NUFIP2: variants seen among roughly 807,000 people sequenced by gnomAD.
NUFIP2 encodes the protein nuclear FMR1 interacting protein 2.
A neutral mutation model predicts 56.9 loss-of-function variants in NUFIP2; 6 were observed. The ratio of observed to expected loss-of-function variants is 0.11; its 90% confidence interval spans 0.06 to 0.21. The LOEUF (loss-of-function observed/expected upper bound fraction) is 0.21, where lower values mean the gene tolerates loss of function less well. NUFIP2 is among the 10% of genes least tolerant of loss of function. The probability of loss-of-function intolerance (pLI) is 1.00; values close to 1 mark genes in which losing one functional copy is unlikely to be tolerated. For synonymous variants in NUFIP2, 321 were observed against 298.2 expected (o/e 1.08, Z -0.79); for missense variants, 828 against 826.8 (o/e 1.00, Z -0.02).
At chr17:29,273,361 C>G (rs1186903661) in intron 2 of NUFIP2, among the ~76,000 whole-genome samples, 1 of 151,764 alleles carries the variant, frequency 6.6e-6, no homozygotes, top group Admixed American at 6.6e-5. Flanking sequence ...TTAGTAGAGA[C>G]AGGTTCCGCC....
Position 29,286,742 on chromosome 17 carries a change from G to C in NUFIP2, c.1252C>G (p.Pro418Ala). ...TTTCCATCAGTCCCTGCTAAAACAG[G>C]CCCATTAGAAAAGTTGGCAGAAGTA... ...SVTSANFSNG[P>A]VLAGTDGNVY... The change falls in exon 2 of 4, where the codon CCT becomes GCT. Residue 418 changes from proline to alanine, a missense_variant. Pro to Ala is a conservative substitution (Grantham distance 27, BLOSUM62 -1). Around this residue, in one of 3 missense-constraint regions of NUFIP2, gnomAD observed 404 missense variants for 380.3 expected, o/e 1.06. Transcript: ENST00000225388. 1.2e-6 allele frequency: 2 copies of C among 1,614,068 alleles called. No individual in the cohort carries two copies. Among genetic ancestry groups the C allele is most frequent in the Non-Finnish European group, 1.7e-6 (2 of 1,180,020 alleles).
intron 2 of NUFIP2, among the ~76,000 whole-genome samples, chr17:29,280,492 T>A (rs2069133299): frequency 6.6e-6 from 1 of 151,262 alleles, no homozygotes; most frequent in South Asian, 2.1e-4. Context: ...TTAAGGAGGC[T>A]GAAGCAGAAG....
At position 29,287,726 on chromosome 17, in the gene NUFIP2, G is replaced by A; in HGVS notation, c.278-10C>T. On this transcript the variant is annotated splice_polypyrimidine_tract_variant and intron_variant, in intron 1 of 3. Transcript: ENST00000225388. ...TTTAGTTCACCATAGCCTAGGGGAG[G>A]GGAAAAAAAGGATTAAAAAAAAAAA... The A allele has an allele frequency of 6.5e-7, 1 of 1,550,190 alleles. No homozygotes were observed. Among genetic ancestry groups the A allele is most frequent in the South Asian group, 1.2e-5 (1 of 82,920 alleles).
rs2069184301 is a variant in NUFIP2 at position 29,287,401 on chromosome 17, A to G, written c.593T>C (p.Ile198Thr). Residue 198 changes from isoleucine to threonine, a missense_variant, in exon 2 of 4, where the codon ATT becomes ACT. Ile to Thr is a moderately conservative substitution (Grantham distance 89, BLOSUM62 -1). Coordinates refer to ENST00000225388, the MANE Select transcript of NUFIP2 (RefSeq NM_020772.3). ...NGVVTNNSGY[I>T]TNGYMGKGAD... ...TCCTTTACCCATATAACCATTAGTA[A>G]TATAACCAGAATTATTTGTTACCAC... The G allele has an allele frequency of 1.2e-6, 2 of 1,613,956 alleles. No homozygotes were observed. Among genetic ancestry groups the G allele is most frequent in the Admixed American group, 3.3e-5 (2 of 60,002 alleles).
In NUFIP2 at chr17:29,286,038, G is replaced by A; in HGVS notation, c.1956C>T (p.Ser652=). Residue 652 remains serine (S), a synonymous_variant, in exon 2 of 4, where the codon AGC becomes AGT. Coordinates refer to ENST00000225388, the MANE Select transcript of NUFIP2 (RefSeq NM_020772.3). ...CAGCCCTCAGGTCAAAAGAACCCCA[G>A]CTATCATTCCTTTCTAGGCCTCTCT... ...RYQRGLERND[S]WGSFDLRAAI... is the part of the protein sequence containing the mutation. 6.2e-7 allele frequency: 1 copy of A among 1,613,996 alleles called. No individual in the cohort carries two copies. The highest frequency in any genetic ancestry group is 8.5e-7 in the Non-Finnish European group (1 of 1,179,908).
In NUFIP2 at chr17:29,293,884, T is replaced by C. The variant is rs1326767142; in HGVS notation, c.176A>G (p.Gln59Arg). ...CTTGGGGCTGCCCTCGGCTCCATGC[T>C]GCAGGTATTGGTGAGGCTGCTGGTG... ...HHHQQPHQYL[Q>R]HGAEGSPKAQ... The change falls in exon 1 of 4, where the codon CAG becomes CGG. Residue 59 changes from glutamine (Q) to arginine (R), a missense_variant. Transcript: ENST00000225388. 2 of 1,614,040 alleles carry C rather than the reference T, an allele frequency of 1.2e-6. No homozygotes were observed. Among genetic ancestry groups the C allele is most frequent in the East Asian group, 2.2e-5 (1 of 44,872 alleles).
chr17:29,259,146 G>A lies in NUFIP2; in HGVS notation c.*5393C>T, dbSNP rs1458532374. The A allele has an allele frequency of 2.0e-5, 3 of 152,048 alleles. No homozygotes were observed. In the East Asian group the frequency reaches 5.8e-4, roughly 29 times the overall value. 9.4% of individuals were successfully genotyped at this position (152,048 alleles called of 1,614,324 possible). On this transcript the variant is annotated 3_prime_UTR_variant, in exon 4 of 4. Coordinates refer to ENST00000225388, the MANE Select transcript of NUFIP2 (RefSeq NM_020772.3). ...TTCAGAGCCTTTGATTAGCACCTGA[G>A]GAAAAAAGGGTACATGGAAAGCTAT... is the stretch of plus-strand genomic sequence containing the variant.
At chr17:29,272,900 A>C (rs566049935) in intron 2 of NUFIP2, among the ~76,000 whole-genome samples, 66 of 151,650 alleles carry the variant, frequency 4.4e-4, no homozygotes, top group African/African-American at 1.5e-3. Flanking sequence ...CCCAGGCTGA[A>C]GAGCAGCAGT....
chr17:29,290,910 A>C (rs1000680709), intron 1 of NUFIP2, among the ~76,000 whole-genome samples: 1 of 152,014 alleles, frequency 6.6e-6, no homozygotes, highest in Non-Finnish European at 1.5e-5. Context: ...ACTGAGCTGA[A>C]CCAAAGCTAA....
intron 2 of NUFIP2, among the ~76,000 whole-genome samples, chr17:29,278,795 T>C (rs2069123741): frequency 6.6e-6 from 1 of 152,148 alleles, no homozygotes; most frequent in South Asian, 2.1e-4. Flanking sequence ...AAGTGATCTT[T>C]CACCAGTATC....
rs1253107931 is a variant in NUFIP2 at position 29,286,698 on chromosome 17, A to AC, written c.1295dup (p.Gln433SerfsTer9). The AC allele has an allele frequency of 6.2e-7, 1 of 1,614,070 alleles. No individual in the cohort carries two copies. The highest frequency in any genetic ancestry group is 8.5e-7 in the Non-Finnish European group (1 of 1,180,016). On this transcript the variant is annotated frameshift_variant, in exon 2 of 4. Coordinates refer to ENST00000225388, the MANE Select transcript of NUFIP2 (RefSeq NM_020772.3). LOFTEE classifies it high-confidence loss of function. ...TAGCAGCAGTAGTTAGCAGTGGCTG[A>AC]CCCCCTGGAGGATAAACATTTCCAT...
chr17:29,289,156 G>GA (rs953717210), intron 1 of NUFIP2, among the ~76,000 whole-genome samples: 9 of 150,130 alleles, frequency 6.0e-5, no homozygotes, highest in South Asian at 2.1e-4. Context: ...AAGAAGAAAA[G>GA]AAAAAAAAAC....
At chr17:29,276,029 AATATATAT>A (rs71135888) in intron 2 of NUFIP2, among the ~76,000 whole-genome samples, 63 of 138,212 alleles carry the variant, frequency 4.6e-4, no homozygotes, top group Admixed American at 3.1e-3. Flanking sequence ...CTCCGTCTCA[AATATATAT>A]ATATATATAT....
At chr17:29,267,934 TG>T in intron 2 of NUFIP2, among the ~76,000 whole-genome samples, 1 of 19,222 alleles carries the variant, frequency 5.2e-5, no homozygotes, top group East Asian at 0.014. Context: ...AGTTTCGCTC[TG>T]TTACCCAGGC....
intron 3 of NUFIP2, among the ~76,000 whole-genome samples, chr17:29,265,038 A>G (rs1043918927): frequency 2.0e-5 from 3 of 152,200 alleles, no homozygotes; most frequent in Non-Finnish European, 4.4e-5. Flanking sequence ...ATCTAAGTAA[A>G]ACCTGCCACC....
chr17:29,256,692 ATT>A lies in NUFIP2; in HGVS notation c.*7845_*7846del, dbSNP rs1331780175. On this transcript the variant is annotated 3_prime_UTR_variant, in exon 4 of 4. Coordinates refer to ENST00000225388, the MANE Select transcript of NUFIP2 (RefSeq NM_020772.3). ...AAAAAAAAAAACTTTAAAAAAGATGATTTGACAAAACCTGGGTAGTAGTACAT... is the reference window on the plus strand; with the variant it reads ...AAAAAAAAAAACTTTAAAAAAGATGATGACAAAACCTGGGTAGTAGTACAT... 6.6e-6 allele frequency: 1 copy of A among 151,826 alleles called. No individual in the cohort carries two copies. Among genetic ancestry groups the A allele is most frequent in the Non-Finnish European group, 1.5e-5 (1 of 67,934 alleles). The allele number at this position is 151,826 out of a possible 1,614,324, so 9.4% of individuals were successfully genotyped here.
chr17:29,280,181 A>T (rs1029394278), intron 2 of NUFIP2, among the ~76,000 whole-genome samples: 2 of 152,212 alleles, frequency 1.3e-5, no homozygotes, highest in African/African-American at 4.8e-5. Context: ...CTTCAGTGCC[A>T]TAACAGCCAT....
chr17:29,276,435 C>A (rs977848603), intron 2 of NUFIP2, among the ~76,000 whole-genome samples: 1 of 151,952 alleles, frequency 6.6e-6, no homozygotes, highest in East Asian at 1.9e-4. Flanking sequence ...CAGGTTCAAG[C>A]GATTCTCCTG....
rs2069142054 is a variant in NUFIP2 at position 29,281,852 on chromosome 17, C to T, written c.2002+4140G>A. 4.0e-5 allele frequency among the ~76,000 whole-genome samples: 6 copies of T among 151,712 alleles called. No individual in the cohort carries two copies. In the South Asian group the frequency reaches 1.3e-3, roughly 32 times the overall value. On this transcript the variant is annotated intron_variant, in intron 2 of 3. Transcript: ENST00000225388. ...CGATCTCAGCTCACTGCAACTTCCA[C>T]CTCCCGGGTTCACGCCATTCTCCTG... is the stretch of plus-strand genomic sequence containing the variant.
Sources: allele counts gnomAD v4.1 joint callset (sites outside exome capture counted in the v4.1 genomes callset), GRCh38; gene constraint gnomAD v4.1.1; regional missense constraint gnomAD v4.1.1; transcripts MANE v1.5; gene names NCBI Gene and HGNC (gene_info 2026-07-23, HGNC 2026-07-21).